Variants in PDE7B observed in about 807,000 individuals in gnomAD.
The protein encoded by PDE7B is 3',5'-cyclic-AMP phosphodiesterase 7B.
Under a neutral mutation model 56.2 loss-of-function variants are expected in PDE7B, and 29 were observed. That is an observed-to-expected ratio of 0.52 (90% CI 0.38 to 0.70). The LOEUF (loss-of-function observed/expected upper bound fraction) is 0.70. Ranked by LOEUF, PDE7B falls within the 30% of genes least tolerant of loss-of-function variation. The pLI, the probability that PDE7B is intolerant of heterozygous loss-of-function variation, is 0.00. For missense variants in PDE7B, 490 were observed against 565.0 expected, an observed-to-expected ratio of 0.87 and a Z score of 1.35; for synonymous variants, 197 against 196.9, an observed-to-expected ratio of 1.00 and a Z score of 0.00.
At chr6:135,898,511 T>C (rs1022042907) in intron 1 of PDE7B, among the ~76,000 whole-genome samples, 17 of 152,190 alleles carry the variant, frequency 1.1e-4, no homozygotes, top group African/African-American at 3.6e-4. Context: ...TTATAGAATA[T>C]TTAGAAATTA....
intron 2 of PDE7B, among the ~76,000 whole-genome samples, chr6:135,954,203 G>T (rs1562451194): frequency 6.6e-6 from 1 of 152,162 alleles, no homozygotes; most frequent in Non-Finnish European, 1.5e-5. Context: ...CACGCAGAAT[G>T]TGATTATCAC....
At chr6:135,976,399 T>C (rs1372657616) in intron 2 of PDE7B, among the ~76,000 whole-genome samples, 1 of 152,062 alleles carries the variant, frequency 6.6e-6, no homozygotes, top group East Asian at 1.9e-4. Context: ...GTTTCCCCAA[T>C]GGCGCTGCTG....
At chr6:135,923,609 G>A (rs1260484558) in intron 1 of PDE7B, among the ~76,000 whole-genome samples, 6 of 152,092 alleles carry the variant, frequency 3.9e-5, no homozygotes, top group Admixed American at 2.0e-4. Flanking sequence ...ATAGCTGTTT[G>A]TATTAAGAAC....
intron 1 of PDE7B, among the ~76,000 whole-genome samples, chr6:135,913,584 G>A (rs892413767): frequency 2.6e-5 from 4 of 151,910 alleles, no homozygotes; most frequent in Non-Finnish European, 4.4e-5. Flanking sequence ...CCTTTTAGTA[G>A]GTACCTTGAT....
chr6:135,948,894 GATAGA>G (rs1562449565), intron 2 of PDE7B, among the ~76,000 whole-genome samples: 2 of 126,246 alleles, frequency 1.6e-5, no homozygotes, highest in Non-Finnish European at 1.6e-5. Context: ...TAGATAGATA[GATAGA>G]CAGACAGACA....
chr6:136,026,712 G>T (rs1776158030), intron 2 of PDE7B, among the ~76,000 whole-genome samples: 1 of 152,086 alleles, frequency 6.6e-6, no homozygotes. Flanking sequence ...ACCTTTTGGG[G>T]GATTCTTGTC....
intron 12 of PDE7B, among the ~76,000 whole-genome samples, chr6:136,188,498 A>G (rs1475714549): frequency 6.6e-6 from 1 of 152,220 alleles, no homozygotes; most frequent in East Asian, 1.9e-4. Context: ...GGTTCTGCAG[A>G]CGTGATTCAA....
chr6:136,023,509 T>C (rs1215651131), intron 2 of PDE7B, among the ~76,000 whole-genome samples: 1 of 152,206 alleles, frequency 6.6e-6, no homozygotes, highest in African/African-American at 2.4e-5. Flanking sequence ...TCTTCACTCC[T>C]CAACAGAGAG....
intron 7 of PDE7B, among the ~76,000 whole-genome samples, chr6:136,154,656 T>C (rs1388586143): frequency 1.3e-5 from 2 of 152,170 alleles, no homozygotes; most frequent in East Asian, 1.9e-4. Flanking sequence ...CCAAGAAAAC[T>C]TGTGAATGTC....
chr6:136,186,007 T>G (rs1319524187), intron 11 of PDE7B, among the ~76,000 whole-genome samples: 1 of 152,072 alleles, frequency 6.6e-6, no homozygotes, highest in Non-Finnish European at 1.5e-5. Flanking sequence ...ACATTTCTCC[T>G]TTGATCTTCT....
At chr6:136,144,666 TG>T (rs1778385541) in intron 3 of PDE7B, among the ~76,000 whole-genome samples, 1 of 151,878 alleles carries the variant, frequency 6.6e-6, no homozygotes, top group African/African-American at 2.4e-5. Flanking sequence ...GCACTGTCTC[TG>T]GTATTCATTA....
At chr6:136,171,707 T>C (rs575344643) in intron 8 of PDE7B, among the ~76,000 whole-genome samples, 1 of 151,888 alleles carries the variant, frequency 6.6e-6, no homozygotes, top group South Asian at 2.1e-4. Flanking sequence ...TACATATGTA[T>C]ACATGTGCCA....
chr6:136,043,450 T>G (rs995039504), intron 2 of PDE7B, among the ~76,000 whole-genome samples: 4 of 151,926 alleles, frequency 2.6e-5, no homozygotes, highest in African/African-American at 4.8e-5. Context: ...GCATCTCCAT[T>G]ACTGAACTGT....
chr6:136,178,192 C>A (rs973245235), intron 9 of PDE7B, among the ~76,000 whole-genome samples: 4 of 152,182 alleles, frequency 2.6e-5, no homozygotes, highest in Non-Finnish European at 2.9e-5. Flanking sequence ...ATGAGACAGG[C>A]AACATGACCT....
At chr6:135,975,396 G>C (rs1583806203) in intron 2 of PDE7B, among the ~76,000 whole-genome samples, 1 of 152,230 alleles carries the variant, frequency 6.6e-6, no homozygotes, top group Non-Finnish European at 1.5e-5. Flanking sequence ...GATATCATAA[G>C]CAGTACTTCC....
chr6:135,978,060 G>C (rs1562458422), intron 2 of PDE7B, among the ~76,000 whole-genome samples: 1 of 152,122 alleles, frequency 6.6e-6, no homozygotes, highest in Non-Finnish European at 1.5e-5. Context: ...GATACATTCT[G>C]AGAAATGCAT....
In PDE7B at chr6:136,113,979, G is replaced by A. The variant is rs539824768; in HGVS notation, c.166+5165G>A. On this transcript the variant is annotated intron_variant, in intron 3 of 12. Transcript: ENST00000308191. ...AGAGGAAGTGACATACAAAGAAAAC[G>A]TGCTCAGGGACTGTGGAGCTTGAGG... 2.8e-4 allele frequency among the ~76,000 whole-genome samples: 43 copies of A among 152,268 alleles called. 1 individual carries two copies. The highest frequency in any genetic ancestry group is 2.1e-3 in the Admixed American group (32 of 15,302).
At chr6:135,860,710 A>G (rs1775129370) in intron 1 of PDE7B, among the ~76,000 whole-genome samples, 1 of 152,078 alleles carries the variant, frequency 6.6e-6, no homozygotes, top group Non-Finnish European at 1.5e-5. Flanking sequence ...AGAACAGAGT[A>G]TGAAAGAGTA....
chr6:135,931,543 C>T (rs1774291616), intron 1 of PDE7B, among the ~76,000 whole-genome samples: 1 of 151,920 alleles, frequency 6.6e-6, no homozygotes, highest in South Asian at 2.1e-4. Context: ...TTCTTGATTC[C>T]AAAGGTTTAA....
Sources: allele counts gnomAD v4.1 joint callset (sites outside exome capture counted in the v4.1 genomes callset), GRCh38; gene constraint gnomAD v4.1.1; transcripts MANE v1.5; gene names NCBI Gene and HGNC (gene_info 2026-07-23, HGNC 2026-07-21).